Variants in CDC14A observed in about 807,000 individuals in gnomAD.
CDC14A encodes cell division cycle 14A, also known as dual specificity protein phosphatase CDC14A.
In CDC14A, 53 loss-of-function variants were observed where a neutral mutation model predicts 74.4. That is an observed-to-expected ratio of 0.71 (90% CI 0.57 to 0.89). The LOEUF is 0.89. Among genes scored for constraint, CDC14A ranks in the 40% least tolerant of loss-of-function variants. CDC14A has a pLI of 0.00. For missense variants in CDC14A, 646 were observed against 713.7 expected, an observed-to-expected ratio of 0.91 and a Z score of 1.08; for synonymous variants, 247 against 258.4, an observed-to-expected ratio of 0.96 and a Z score of 0.43.
chr1:100,468,632 A>G (rs1282953692), intron 10 of CDC14A, among the ~76,000 whole-genome samples: 1 of 152,236 alleles, frequency 6.6e-6, no homozygotes, highest in Non-Finnish European at 1.5e-5. Context: ...TATGACCATT[A>G]TTTAGAAGAA....
At chr1:100,507,772 C>CA (rs1649370487) in intron 15 of CDC14A, among the ~76,000 whole-genome samples, 1 of 152,098 alleles carries the variant, frequency 6.6e-6, no homozygotes, top group Non-Finnish European at 1.5e-5. Context: ...CTCCACCTCC[C>CA]AGGTTCAAGT....
chr1:100,352,109 T>C (rs1050678038), upstream of CDC14A, among the ~76,000 whole-genome samples: 1 of 151,126 alleles, frequency 6.6e-6, no homozygotes, highest in Admixed American at 6.6e-5. Flanking sequence ...GGACAAGACT[T>C]AGAGGGTGCA....
chr1:100,348,658 T>C (rs1650648922), upstream of CDC14A, among the ~76,000 whole-genome samples: 1 of 152,218 alleles, frequency 6.6e-6, no homozygotes, highest in Non-Finnish European at 1.5e-5. Flanking sequence ...GATATTTATC[T>C]GGGGAAGACT....
intron 10 of CDC14A, among the ~76,000 whole-genome samples, chr1:100,469,727 G>A (rs966562348): frequency 1.3e-5 from 2 of 152,132 alleles, no homozygotes; most frequent in South Asian, 2.1e-4. Context: ...AGTACAGCTC[G>A]CAAGGTGAGG....
At position 100,491,567 on chromosome 1, in the gene CDC14A, TATA is replaced by T. The variant is rs1379887618; in HGVS notation, c.1138-3250_1138-3248del. 8.7e-4 allele frequency among the ~76,000 whole-genome samples: 77 copies of T among 88,348 alleles called. 1 individual carries two copies. The highest frequency in any genetic ancestry group is 3.9e-3 in the African/African-American group (77 of 19,948). The allele number at this position is 88,348 out of a possible 152,430, so 58.0% of individuals were successfully genotyped here. On this transcript the variant is annotated intron_variant, in intron 11 of 15. Coordinates refer to ENST00000336454, the MANE Select transcript of CDC14A (RefSeq NM_003672.4). ...CTCTCTCTATATATATATATATATA[TATA>T]TATTTTTTTTTTTTTTTTTTTTTTT...
intron 2 of CDC14A, among the ~76,000 whole-genome samples, chr1:100,371,501 C>T (rs1207408744): frequency 2.6e-5 from 4 of 152,046 alleles, no homozygotes; most frequent in Non-Finnish European, 4.4e-5. Context: ...GGATTTTTAC[C>T]ATGAACGGAT....
chr1:100,500,894 T>C (rs1648647092), intron 15 of CDC14A, among the ~76,000 whole-genome samples: 1 of 149,944 alleles, frequency 6.7e-6, no homozygotes, highest in African/African-American at 2.5e-5. Context: ...CTCCTGTCCC[T>C]ACCTGAGACC....
At chr1:100,364,834 G>T (rs1370928981) in intron 2 of CDC14A, among the ~76,000 whole-genome samples, 1 of 152,216 alleles carries the variant, frequency 6.6e-6, no homozygotes, top group African/African-American at 2.4e-5. Context: ...TCTAACGAGG[G>T]ATGTTAGAAT....
rs1378698943 is a variant in CDC14A, at chr1:100,418,321, T to C, written c.310-5901T>C. 2.0e-5 allele frequency among the ~76,000 whole-genome samples: 3 copies of C among 152,134 alleles called. No homozygotes were observed. In the East Asian group the frequency reaches 5.8e-4, roughly 29 times the overall value. The stretch of plus-strand genomic sequence containing the variant: ...AAGAAAGGCATCATGGGACATAGTA[T>C]TTGAGTTTAGGTCTAATGAAATATA... On this transcript the variant is annotated intron_variant, in intron 4 of 15. Coordinates refer to ENST00000336454, the MANE Select transcript of CDC14A (RefSeq NM_003672.4).
At chr1:100,492,591 ACGGTTGAGCT>A (rs1294717763) in intron 11 of CDC14A, among the ~76,000 whole-genome samples, 10 of 152,204 alleles carry the variant, frequency 6.6e-5, no homozygotes, top group Non-Finnish European at 1.3e-4. Context: ...AACATTGTTC[ACGGTTGAGCT>A]TAGTAGTACA....
In CDC14A at chr1:100,377,626, G is replaced by A. The variant is rs1480786993; in HGVS notation, c.216+5G>A. On this transcript the variant is annotated splice_donor_5th_base_variant and intron_variant, in intron 3 of 15. Coordinates refer to ENST00000336454, the MANE Select transcript of CDC14A (RefSeq NM_003672.4). ...AAACTAAACAAGAAACTAAAAGTGA[G>A]TATTGTAGTGATATTTATAATTTGG... 6.3e-7 allele frequency: 1 copy of A among 1,596,378 alleles called. No homozygotes were observed.
At chr1:100,497,142 A>G (rs1647965777) in intron 13 of CDC14A, among the ~76,000 whole-genome samples, 2 of 152,236 alleles carry the variant, frequency 1.3e-5, no homozygotes, top group South Asian at 2.1e-4. Context: ...ATGATGAAAC[A>G]TATATTGCTT....
At chr1:100,468,910 T>G (rs1458486798) in intron 10 of CDC14A, among the ~76,000 whole-genome samples, 1 of 152,052 alleles carries the variant, frequency 6.6e-6, no homozygotes, top group Non-Finnish European at 1.5e-5. Flanking sequence ...GTTGACTCTA[T>G]TTTATTTTAA....
At position 100,352,763 on chromosome 1, in the gene CDC14A, C is replaced by A. The variant is rs989710686; in HGVS notation, c.-192C>A. On this transcript the variant is annotated 5_prime_UTR_variant, in exon 1 of 16. The change creates a premature stop within an existing upstream ORF in the 5' untranslated region. Transcript: ENST00000336454. ...GCGCGGAGCGAGCTCGGGTTCCCCTCGGAATGTCCCCGGGGCGCCCGGCGC... is the reference window on the plus strand; with the variant it reads ...GCGCGGAGCGAGCTCGGGTTCCCCTAGGAATGTCCCCGGGGCGCCCGGCGC... 2.7e-5 allele frequency: 38 copies of A among 1,412,730 alleles called. No homozygotes were observed. The highest frequency in any genetic ancestry group is 1.2e-4 in the Admixed American group (4 of 33,178). The allele number at this position is 1,412,730 out of a possible 1,614,324, so 87.5% of individuals were successfully genotyped here.
At chr1:100,466,353 T>C (rs572984515) in intron 9 of CDC14A, among the ~76,000 whole-genome samples, 1 of 152,178 alleles carries the variant, frequency 6.6e-6, no homozygotes, top group Non-Finnish European at 1.5e-5. Context: ...TTGCCTATAG[T>C]CTTGCCAGGC....
At chr1:100,498,784 A>C in intron 14 of CDC14A, 145 bp from the exon 15 acceptor site, 1 of 1,184,200 alleles carries the variant, frequency 8.4e-7, no homozygotes, top group Non-Finnish European at 1.2e-6. Context: ...GTGATGAGGA[A>C]GCCATCCTGA....
intron 10 of CDC14A, among the ~76,000 whole-genome samples, chr1:100,476,480 C>T (rs1668911890): frequency 6.6e-6 from 1 of 152,076 alleles, no homozygotes. Flanking sequence ...ATTTTTGAAT[C>T]ATATCTTCTT....
chr1:100,443,651 G>A (rs1665208409), intron 7 of CDC14A, among the ~76,000 whole-genome samples: 1 of 151,846 alleles, frequency 6.6e-6, no homozygotes, highest in African/African-American at 2.4e-5. Context: ...TAATATTTTT[G>A]GTTGTATAAA....
At position 100,519,443 on chromosome 1, in the gene CDC14A, A is replaced by G. The variant is rs1400876725; in HGVS notation, c.*1163A>G. The G allele has an allele frequency of 6.6e-6, 1 of 152,160 alleles. No individual in the cohort carries two copies. The highest frequency in any genetic ancestry group is 6.5e-5 in the Admixed American group (1 of 15,270). The allele number at this position is 152,160 out of a possible 1,614,324, so 9.4% of individuals were successfully genotyped here. ...GAAGCCTGTAGGTTTCATTTCTATG[A>G]GGAATCGAGGAGCGTTACATCCTGA... On this transcript the variant is annotated 3_prime_UTR_variant, in exon 16 of 16. Coordinates refer to ENST00000336454, the MANE Select transcript of CDC14A (RefSeq NM_003672.4).
Sources: allele counts gnomAD v4.1 joint callset (sites outside exome capture counted in the v4.1 genomes callset), GRCh38; gene constraint gnomAD v4.1.1; transcripts MANE v1.5; gene names NCBI Gene and HGNC (gene_info 2026-07-23, HGNC 2026-07-21).